The following ITPR1 variants were observed in gnomAD, a reference collection of about 807,000 sequenced individuals.
The protein encoded by ITPR1 is inositol 1,4,5-trisphosphate-gated calcium channel ITPR1.
In ITPR1, 96 loss-of-function variants were observed where a neutral mutation model predicts 318.4. That is an observed-to-expected ratio of 0.30 (90% CI 0.26 to 0.36). The LOEUF is 0.36. Among genes scored for constraint, ITPR1 ranks in the 10% least tolerant of loss-of-function variants. The pLI, the probability that ITPR1 is intolerant of heterozygous loss-of-function variation, is 1.00. For missense variants in ITPR1, 2,440 were observed against 3,460.2 expected (o/e 0.71, Z 7.40); for synonymous variants, 1,312 against 1,289.9 (o/e 1.02, Z -0.37).
Position 4,697,291 on chromosome 3 carries a change from A to C in ITPR1, c.4407+19A>C, listed in dbSNP as rs1444996873. ...CTGCAGGGTAAGGCTTTTGGAACTG[A>C]GGAGGCAGAGTTGGAGAGTGAGAGG... On this transcript the variant is annotated intron_variant, in intron 34 of 61. Transcript: ENST00000649015. 2 of 1,534,946 alleles carry C rather than the reference A, an allele frequency of 1.3e-6. No homozygotes were observed. The highest frequency in any genetic ancestry group is 4.0e-5 in the Admixed American group (2 of 50,020).
intron 60 of ITPR1, among the ~76,000 whole-genome samples, chr3:4,820,169 A>C (rs9858750): frequency 0.78 from 118,858 of 151,986 alleles, 50,932 homozygotes; most frequent in East Asian, 0.97. Flanking sequence ...CAATTGTTGA[A>C]ACTGGCAAAT....
At chr3:4,728,454 T>A (rs916938925) in intron 42 of ITPR1, among the ~76,000 whole-genome samples, 1 of 152,202 alleles carries the variant, frequency 6.6e-6, no homozygotes, top group Non-Finnish European at 1.5e-5. Flanking sequence ...ATTTTTCTTT[T>A]ATTTTTGTGG....
At chr3:4,639,847 A>T (rs1559592224) in intron 6 of ITPR1, among the ~76,000 whole-genome samples, 1 of 152,204 alleles carries the variant, frequency 6.6e-6, no homozygotes, top group East Asian at 1.9e-4. Context: ...GGCCTAAAAC[A>T]GCTGCTCCCA....
intron 5 of ITPR1, 89 bp downstream of exon 5, chr3:4,627,967 A>AG: frequency 1.3e-6 from 1 of 747,578 alleles, no homozygotes; most frequent in Non-Finnish European, 2.2e-6. Context: ...CTGCTTATGC[A>AG]ACCCTCCAAT....
At chr3:4,562,350 A>G (rs914736279) in intron 4 of ITPR1, among the ~76,000 whole-genome samples, 1 of 152,222 alleles carries the variant, frequency 6.6e-6, no homozygotes, top group Non-Finnish European at 1.5e-5. Flanking sequence ...GGATAGTAAT[A>G]GTCCCAATTT....
intron 4 of ITPR1, among the ~76,000 whole-genome samples, chr3:4,611,680 C>T (rs993425065): frequency 1.4e-4 from 22 of 152,036 alleles, no homozygotes; most frequent in Admixed American, 7.2e-4. Context: ...AGGGAGGCCG[C>T]GGCTGCAGTG....
intron 42 of ITPR1, among the ~76,000 whole-genome samples, chr3:4,728,178 T>C (rs2042658573): frequency 6.6e-6 from 1 of 152,228 alleles, no homozygotes; most frequent in Non-Finnish European, 1.5e-5. Context: ...AAGGGGTAGA[T>C]CTGTTTTTAA....
chr3:4,529,051 G>T (rs1235403461), intron 4 of ITPR1, among the ~76,000 whole-genome samples: 1 of 152,124 alleles, frequency 6.6e-6, no homozygotes, highest in African/African-American at 2.4e-5. Flanking sequence ...TCCCTCACTG[G>T]ATTGCTGCCT....
intron 60 of ITPR1, among the ~76,000 whole-genome samples, chr3:4,835,471 A>G (rs190507214): frequency 6.6e-6 from 1 of 152,158 alleles, no homozygotes; most frequent in African/African-American, 2.4e-5. Context: ...TGTGACAGAG[A>G]CCAGGTGGCC....
At chr3:4,535,097 A>G (rs1001919454) in intron 4 of ITPR1, among the ~76,000 whole-genome samples, 1 of 151,362 alleles carries the variant, frequency 6.6e-6, no homozygotes, top group African/African-American at 2.4e-5. Flanking sequence ...AATATTATAC[A>G]AGGATATAAA....
intron 26 of ITPR1, among the ~76,000 whole-genome samples, chr3:4,681,823 C>G (rs1455400022): frequency 2.0e-5 from 3 of 152,032 alleles, no homozygotes; most frequent in African/African-American, 7.2e-5. Context: ...TGCTGGGCTA[C>G]AATTTTATCC....
At chr3:4,666,013 C>A (rs1054119436) in intron 17 of ITPR1, among the ~76,000 whole-genome samples, 2 of 152,142 alleles carry the variant, frequency 1.3e-5, no homozygotes, top group Non-Finnish European at 2.9e-5. Flanking sequence ...GGGATGCTCT[C>A]AAACACCCAG....
At chr3:4,797,535 C>T (rs60119629) in intron 53 of ITPR1, among the ~76,000 whole-genome samples, 35 of 152,242 alleles carry the variant, frequency 2.3e-4, no homozygotes, top group South Asian at 1.0e-3. Context: ...AAAGTATCAC[C>T]GCCCCTCCAC....
chr3:4,819,993 T>A (rs935304588), intron 60 of ITPR1, among the ~76,000 whole-genome samples: 1 of 152,138 alleles, frequency 6.6e-6, no homozygotes, highest in South Asian at 2.1e-4. Flanking sequence ...CACTCCATAA[T>A]CATGTCGTTG....
At chr3:4,592,490 G>A (rs2090469821) in intron 4 of ITPR1, among the ~76,000 whole-genome samples, 1 of 151,794 alleles carries the variant, frequency 6.6e-6, no homozygotes, top group African/African-American at 2.4e-5. Flanking sequence ...GGTCCTCTAG[G>A]GTACAGACAC....
intron 44 of ITPR1, among the ~76,000 whole-genome samples, chr3:4,758,993 A>G (rs886350066): frequency 5.9e-5 from 9 of 152,256 alleles, no homozygotes; most frequent in African/African-American, 1.9e-4. Context: ...TTGTCTAACA[A>G]TAATACCCCT....
chr3:4,611,789 G>A (rs145982261), intron 4 of ITPR1, among the ~76,000 whole-genome samples: 1 of 151,942 alleles, frequency 6.6e-6, no homozygotes, highest in Non-Finnish European at 1.5e-5. Context: ...ATGAATACTT[G>A]CTTGGTTTTT....
chr3:4,840,718 T>C (rs1264250459), intron 61 of ITPR1, among the ~76,000 whole-genome samples: 1 of 152,224 alleles, frequency 6.6e-6, no homozygotes. Context: ...TATTTAACGA[T>C]GCCTCTCATC....
chr3:4,843,524 T>G lies in ITPR1; in HGVS notation c.8191-2615T>G, dbSNP rs141831517. 7.9e-5 allele frequency among the ~76,000 whole-genome samples: 12 copies of G among 152,318 alleles called. No individual in the cohort carries two copies. In the East Asian group the frequency reaches 2.3e-3, roughly 29 times the overall value. On this transcript the variant is annotated intron_variant, in intron 61 of 61. Coordinates refer to ENST00000649015, the MANE Select transcript of ITPR1 (RefSeq NM_001378452.1). ...AGATTCATGGGACCTACCCCAGACC[T>G]ACTGAGTCAGAAACTCTGTTTCTGA...
Sources: gnomAD v4.1 joint callset for allele counts (sites outside exome capture counted in the v4.1 genomes callset) on GRCh38, gnomAD v4.1.1 for gene constraint, MANE v1.5 for transcripts, NCBI Gene and HGNC (gene_info 2026-07-23, HGNC 2026-07-21) for gene names.